Variants in CRTAC1 observed in about 807,000 individuals in gnomAD.
CRTAC1 encodes cartilage acidic protein 1, also known as acidic secreted protein in cartilage.
A neutral mutation model predicts 67.8 loss-of-function variants in CRTAC1; 37 were observed. The observed-to-expected ratio is 0.55, with a 90% CI of 0.42 to 0.72. The LOEUF (loss-of-function observed/expected upper bound fraction) is 0.72, where lower values mean the gene tolerates loss of function less well. CRTAC1 is among the 30% of genes least tolerant of loss of function. CRTAC1 has a pLI of 0.00. For synonymous variants in CRTAC1, 348 were observed against 371.0 expected (o/e 0.94, Z 0.71); for missense variants, 780 against 931.6 (o/e 0.84, Z 2.12).
chr10:97,884,470 T>A, intron 11 of CRTAC1, 119 bp from the exon 12 acceptor site: 1 of 964,632 alleles, frequency 1.0e-6, no homozygotes, highest in Non-Finnish European at 1.5e-6. Context: ...CTGTTCTAAG[T>A]GCTAGGGAAA....
At chr10:97,899,756 G>A (rs2486853) in intron 8 of CRTAC1, among the ~76,000 whole-genome samples, 8,545 of 152,228 alleles carry the variant, frequency 0.056, 275 homozygotes, top group Middle Eastern at 0.095. Context: ...GGGCCCTCCC[G>A]GGAGATGGGG....
rs758245315 is a variant in CRTAC1, at chr10:98,011,254, A to C, written c.108T>G (p.Thr36=). ...EGSQRAEPMF[T]AVTNSVLPPD... ...GAGGCAGAACTGAGTTGGTGACTGCAGTGAACATGGGTTCAGCCCGCTGGG... is the reference window on the plus strand; with the variant it reads ...GAGGCAGAACTGAGTTGGTGACTGCCGTGAACATGGGTTCAGCCCGCTGGG... Residue 36 remains threonine (T), a synonymous_variant, in exon 2 of 15, where the codon ACT becomes ACG. Transcript: ENST00000370597. 52 of 1,614,116 alleles carry C rather than the reference A, an allele frequency of 3.2e-5. No homozygotes were observed. The highest frequency in any genetic ancestry group is 5.9e-6 in the Non-Finnish European group (7 of 1,180,038).
At chr10:97,906,447 C>T (rs1198382938) in intron 6 of CRTAC1, among the ~76,000 whole-genome samples, 1 of 152,136 alleles carries the variant, frequency 6.6e-6, no homozygotes, top group African/African-American at 2.4e-5. Flanking sequence ...TCTTGTTAAA[C>T]CCCTGCAATC....
chr10:97,937,529 G>A (rs1052614136), intron 2 of CRTAC1, among the ~76,000 whole-genome samples: 2 of 152,200 alleles, frequency 1.3e-5, no homozygotes, highest in African/African-American at 4.8e-5. Context: ...CTTCTTGTCT[G>A]TTTTGTTCCC....
At chr10:97,894,396 C>CT (rs1361185554) in intron 11 of CRTAC1, among the ~76,000 whole-genome samples, 1 of 151,674 alleles carries the variant, frequency 6.6e-6, no homozygotes. Context: ...CATGTTGATG[C>CT]TTTTTTTATT....
chr10:97,898,263 C>A (rs973232623), intron 8 of CRTAC1, among the ~76,000 whole-genome samples: 1 of 152,134 alleles, frequency 6.6e-6, no homozygotes, highest in Non-Finnish European at 1.5e-5. Context: ...AGCTCAGAGT[C>A]CGTGTTAACA....
chr10:97,916,010 T>G lies in CRTAC1; in HGVS notation c.715+1490A>C, dbSNP rs746452067. Among the ~76,000 whole-genome samples the G allele has an allele frequency of 2.1e-4, 32 of 152,108 alleles. No homozygotes were observed. The East Asian group carries it at 2.9e-3, about 14-fold the overall frequency. ...GGGTCTCCTCCTTCCCGCTCCTCGGTTCTGTGCCAGCCCAGCCAGCGTGAA... is the reference window on the plus strand; with the variant it reads ...GGGTCTCCTCCTTCCCGCTCCTCGGGTCTGTGCCAGCCCAGCCAGCGTGAA... On this transcript the variant is annotated intron_variant, in intron 5 of 14. Coordinates refer to ENST00000370597, the MANE Select transcript of CRTAC1 (RefSeq NM_018058.7).
intron 2 of CRTAC1, among the ~76,000 whole-genome samples, chr10:97,952,308 C>T (rs552165946): frequency 1.2e-4 from 18 of 149,954 alleles, no homozygotes; most frequent in Admixed American, 9.3e-4. Flanking sequence ...GCTGAAATTG[C>T]GCCACTGCAC....
At chr10:97,870,445 C>G (rs369821770) in intron 14 of CRTAC1, 1 of 151,964 alleles carries the variant, frequency 6.6e-6, no homozygotes, top group South Asian at 2.1e-4. Flanking sequence ...TACCCTGGGT[C>G]GGGGGTAGCG....
At chr10:97,967,001 C>CG (rs1564915688) in intron 2 of CRTAC1, among the ~76,000 whole-genome samples, 1 of 148,880 alleles carries the variant, frequency 6.7e-6, no homozygotes, top group African/African-American at 2.5e-5. Flanking sequence ...TCACCCCCCC[C>CG]CCCCCGACAT....
At chr10:98,010,103 C>T (rs1343779630) in intron 2 of CRTAC1, among the ~76,000 whole-genome samples, 3 of 151,022 alleles carry the variant, frequency 2.0e-5, no homozygotes, top group Non-Finnish European at 4.4e-5. Flanking sequence ...GCAGTGGTGC[C>T]GTCTCGGCTT....
chr10:97,875,812 C>T (rs892530106), intron 14 of CRTAC1: 1 of 152,198 alleles, frequency 6.6e-6, no homozygotes, highest in African/African-American at 2.4e-5. Flanking sequence ...GGGTGTGATA[C>T]CCAGACCCTG....
At chr10:98,005,384 C>T (rs548477756) in intron 2 of CRTAC1, among the ~76,000 whole-genome samples, 31 of 150,188 alleles carry the variant, frequency 2.1e-4, no homozygotes, top group African/African-American at 6.1e-4. Context: ...GGATTACAGG[C>T]GTGAGCCACC....
At chr10:97,957,916 A>G (rs541422) in intron 2 of CRTAC1, among the ~76,000 whole-genome samples, 151,351 of 152,262 alleles carry the variant, frequency 0.99, 75,237 homozygotes, top group Middle Eastern at 1. Flanking sequence ...CCTATGTGAC[A>G]TGGCTTTGAA....
intron 4 of CRTAC1, among the ~76,000 whole-genome samples, chr10:97,919,714 C>T (rs946548264): frequency 1.3e-5 from 2 of 150,106 alleles, no homozygotes; most frequent in African/African-American, 2.4e-5. Flanking sequence ...GTGGCAAAAC[C>T]GCCATGTGAT....
intron 2 of CRTAC1, among the ~76,000 whole-genome samples, chr10:97,950,219 T>G (rs548947665): frequency 2.0e-5 from 3 of 148,190 alleles, no homozygotes; most frequent in East Asian, 3.9e-4. Flanking sequence ...CAGCTGTTGG[T>G]TTTGCATGTA....
At chr10:98,005,100 A>ATATGTTTTTTTTTTT in intron 2 of CRTAC1, among the ~76,000 whole-genome samples, 1 of 48,926 alleles carries the variant, frequency 2.0e-5, no homozygotes, top group Non-Finnish European at 3.5e-5. Flanking sequence ...ATATATATAT[A>ATATGTTTTTTTTTTT]TTTTTTTTTT....
chr10:97,894,193 C>G (rs1455963280), intron 11 of CRTAC1, among the ~76,000 whole-genome samples: 1 of 152,134 alleles, frequency 6.6e-6, no homozygotes, highest in African/African-American at 2.4e-5. Flanking sequence ...AAACGATTTT[C>G]CAGTGTAGCT....
chr10:97,933,878 C>A (rs958236661), intron 3 of CRTAC1, among the ~76,000 whole-genome samples: 4 of 152,174 alleles, frequency 2.6e-5, no homozygotes, highest in Non-Finnish European at 4.4e-5. Context: ...GTGACTGGGT[C>A]CCCCTCCTAG....
Sources: allele counts gnomAD v4.1 joint callset (sites outside exome capture counted in the v4.1 genomes callset), GRCh38; gene constraint gnomAD v4.1.1; transcripts MANE v1.5; gene names NCBI Gene and HGNC (gene_info 2026-07-23, HGNC 2026-07-21).